Variants in ADGRB3 observed in about 807,000 individuals in gnomAD.
The protein encoded by ADGRB3 is brain-specific angiogenesis inhibitor 3.
A neutral mutation model predicts 193.4 loss-of-function variants in ADGRB3; 37 were observed. The observed-to-expected ratio is 0.19, with a 90% CI of 0.15 to 0.25. The LOEUF (loss-of-function observed/expected upper bound fraction) is 0.25. ADGRB3 is among the 10% of genes least tolerant of loss of function. The pLI, the probability that ADGRB3 is intolerant of heterozygous loss-of-function variation, is 1.00. For synonymous variants in ADGRB3, 690 were observed against 644.2 expected, an observed-to-expected ratio of 1.07 and a Z score of -1.08; for missense variants, 1,637 against 1,852.9, an observed-to-expected ratio of 0.88 and a Z score of 2.14.
intron 26 of ADGRB3, among the ~76,000 whole-genome samples, chr6:69,353,818 C>A (rs1387184954): frequency 6.6e-6 from 1 of 152,096 alleles, no homozygotes; most frequent in Non-Finnish European, 1.5e-5. Flanking sequence ...AATCCCAGCA[C>A]TTTGAGGGGC....
At chr6:69,185,774 C>T (rs1233995832) in intron 17 of ADGRB3, among the ~76,000 whole-genome samples, 2 of 152,218 alleles carry the variant, frequency 1.3e-5, no homozygotes, top group East Asian at 3.9e-4. Context: ...TACATGATGA[C>T]TTCTGTATGT....
At chr6:68,654,360 G>A (rs985422232) in intron 3 of ADGRB3, among the ~76,000 whole-genome samples, 6 of 151,838 alleles carry the variant, frequency 4.0e-5, no homozygotes, top group African/African-American at 1.5e-4. Context: ...TAATTTCCTG[G>A]CTTTCTTATT....
chr6:68,738,646 C>T (rs1466226481), intron 3 of ADGRB3, among the ~76,000 whole-genome samples: 2 of 151,982 alleles, frequency 1.3e-5, no homozygotes, highest in Non-Finnish European at 2.9e-5. Flanking sequence ...GAGTTATCAA[C>T]AAAACTGACG....
chr6:69,330,659 G>T, intron 23 of ADGRB3, 87 bp downstream of exon 23: 1 of 1,098,206 alleles, frequency 9.1e-7, no homozygotes, highest in Non-Finnish European at 1.3e-6. Flanking sequence ...TTTTGATAAT[G>T]TAGTTCTTGT....
chr6:68,883,170 A>C (rs1381421730), intron 3 of ADGRB3, among the ~76,000 whole-genome samples: 2 of 152,172 alleles, frequency 1.3e-5, no homozygotes, highest in African/African-American at 4.8e-5. Flanking sequence ...AGGTTTGTAA[A>C]GGCACCAATC....
intron 20 of ADGRB3, among the ~76,000 whole-genome samples, chr6:69,291,162 AGT>A (rs1345409063): frequency 1.3e-5 from 2 of 152,128 alleles, no homozygotes; most frequent in African/African-American, 4.8e-5. Flanking sequence ...GAGGAATAAA[AGT>A]GAGGGATAAT....
intron 20 of ADGRB3, among the ~76,000 whole-genome samples, chr6:69,290,638 A>C (rs530843442): frequency 6.6e-6 from 1 of 152,304 alleles, no homozygotes; most frequent in African/African-American, 2.4e-5. Context: ...TAATTCTATC[A>C]CATAGTTTTT....
intron 3 of ADGRB3, among the ~76,000 whole-genome samples, chr6:68,733,028 A>G (rs550652578): frequency 6.6e-6 from 1 of 151,664 alleles, no homozygotes; most frequent in South Asian, 2.1e-4. Context: ...ACTATTTACC[A>G]CCATCTTTAT....
chr6:69,252,063 T>A (rs1334977615), intron 20 of ADGRB3, among the ~76,000 whole-genome samples: 3 of 152,116 alleles, frequency 2.0e-5, no homozygotes, highest in Non-Finnish European at 4.4e-5. Flanking sequence ...TGCCAGTCAA[T>A]CCCCATCCCC....
chr6:68,740,191 G>A (rs1326320265), intron 3 of ADGRB3, among the ~76,000 whole-genome samples: 1 of 152,136 alleles, frequency 6.6e-6, no homozygotes, highest in Non-Finnish European at 1.5e-5. Flanking sequence ...GGGAATGGAA[G>A]TCTGTGCTAC....
At chr6:69,058,684 G>A (rs1388020718) in intron 15 of ADGRB3, among the ~76,000 whole-genome samples, 2 of 151,864 alleles carry the variant, frequency 1.3e-5, no homozygotes, top group Non-Finnish European at 2.9e-5. Context: ...AATATTTCTT[G>A]TGATTTCTTC....
Position 69,360,996 on chromosome 6 carries a change from T to C in ADGRB3, c.3723T>C (p.Pro1241=), listed in dbSNP as rs1386208433. Residue 1241 remains proline (P), a synonymous_variant, in exon 29 of 32, where the codon CCT becomes CCC. Transcript: ENST00000370598. ...AAGGGCTAAGCTATTCAACATTGCC[T>C]GGAAATGTCATTTCCAAAGTCATCA... is the stretch of plus-strand genomic sequence containing the variant. The part of the protein sequence containing the change: ...NPEGLSYSTL[P]GNVISKVIIQ... The C allele has an allele frequency of 6.2e-7, 1 of 1,612,786 alleles. No individual in the cohort carries two copies. The highest frequency in any genetic ancestry group is 1.1e-5 in the South Asian group (1 of 91,062).
At chr6:68,708,377 G>C (rs1296677194) in intron 3 of ADGRB3, among the ~76,000 whole-genome samples, 2 of 152,094 alleles carry the variant, frequency 1.3e-5, no homozygotes, top group Non-Finnish European at 2.9e-5. Context: ...AAATGTATCT[G>C]GGGTCCTGGA....
chr6:68,974,039 TGAA>T (rs1768664607), intron 8 of ADGRB3, among the ~76,000 whole-genome samples: 3 of 152,234 alleles, frequency 2.0e-5, no homozygotes, highest in Admixed American at 2.0e-4. Flanking sequence ...TGCTTTTAGT[TGAA>T]GAGGTAAAAA....
intron 3 of ADGRB3, among the ~76,000 whole-genome samples, chr6:68,839,426 T>C (rs1768108978): frequency 6.6e-6 from 1 of 152,234 alleles, no homozygotes; most frequent in Non-Finnish European, 1.5e-5. Flanking sequence ...AATTTTACCA[T>C]TTCTATGTGG....
At chr6:69,229,968 G>A (rs974905787) in intron 17 of ADGRB3, among the ~76,000 whole-genome samples, 4 of 152,100 alleles carry the variant, frequency 2.6e-5, no homozygotes, top group Non-Finnish European at 5.9e-5. Context: ...GGACAGGAAG[G>A]CTCCTTCTGT....
Position 69,279,046 on chromosome 6 carries a change from C to A in ADGRB3, c.2814+39820C>A, listed in dbSNP as rs1230963884. Among the ~76,000 whole-genome samples, 9 of 137,288 alleles carry A rather than the reference C, an allele frequency of 6.6e-5. No individual in the cohort carries two copies. In the Admixed American group the frequency reaches 6.8e-4, roughly 10 times the overall value. 90.1% of individuals were successfully genotyped at this position (137,288 alleles called of 152,430 possible). A position where few individuals can be genotyped will look rare whatever the true frequency, so the allele number is the denominator to read the frequency against. ...AATTCACTTCTCACTTCCTCAACAC[C>A]TCATATGGCATATTAAATACATATG... is the stretch of plus-strand genomic sequence containing the variant. On this transcript the variant is annotated intron_variant, in intron 20 of 31. Coordinates refer to ENST00000370598, the MANE Select transcript of ADGRB3 (RefSeq NM_001704.3).
chr6:69,047,049 T>C (rs935448862), intron 13 of ADGRB3, among the ~76,000 whole-genome samples: 2 of 152,082 alleles, frequency 1.3e-5, no homozygotes, highest in Non-Finnish European at 2.9e-5. Flanking sequence ...TTAGTAGAGA[T>C]GGGGTTTCAC....
At chr6:69,175,855 C>T (rs1775405793) in intron 17 of ADGRB3, among the ~76,000 whole-genome samples, 2 of 152,164 alleles carry the variant, frequency 1.3e-5, no homozygotes, top group East Asian at 1.9e-4. Context: ...TCTTTCACCT[C>T]CTTGGTTAGA....
Sources: gnomAD v4.1 joint callset for allele counts (sites outside exome capture counted in the v4.1 genomes callset) on GRCh38, gnomAD v4.1.1 for gene constraint, MANE v1.5 for transcripts, NCBI Gene and HGNC (gene_info 2026-07-23, HGNC 2026-07-21) for gene names.